Variants in HERC2 observed in about 807,000 individuals in gnomAD.
HERC2 encodes the protein HECT and RLD domain containing E3 ubiquitin protein ligase 2, also known as E3 ubiquitin-protein ligase HERC2.
Under a neutral mutation model 537.7 loss-of-function variants are expected in HERC2, and 102 were observed. That is an observed-to-expected ratio of 0.19 (90% confidence interval 0.16 to 0.22). The LOEUF is 0.22. Among genes scored for constraint, HERC2 ranks in the 10% least tolerant of loss-of-function variants. The pLI is 1.00. For missense variants in HERC2, 4,236 were observed against 6,198.2 expected (o/e 0.68, Z 10.63); for synonymous variants, 2,224 against 2,466.2 (o/e 0.90, Z 2.91).
chr15:28,270,437 G>C (rs1264595575), intron 10 of HERC2, among the ~76,000 whole-genome samples: 2 of 152,078 alleles, frequency 1.3e-5, no homozygotes, highest in African/African-American at 4.8e-5. Context: ...TGTGGATAAA[G>C]GGGAGCTCTC....
At chr15:28,151,990 T>C (rs1892504367) in intron 70 of HERC2, among the ~76,000 whole-genome samples, 1 of 152,218 alleles carries the variant, frequency 6.6e-6, no homozygotes, top group African/African-American at 2.4e-5. Flanking sequence ...TAGCCCCTCA[T>C]GGGCCAATAG....
Position 28,304,516 on chromosome 15 carries a change from C to T in HERC2, c.73-5000G>A, listed in dbSNP as rs1241578824. Among the ~76,000 whole-genome samples the T allele has an allele frequency of 2.6e-5, 4 of 151,922 alleles. No individual in the cohort carries two copies. In the South Asian group the frequency reaches 6.2e-4, roughly 24 times the overall value. On this transcript the variant is annotated intron_variant, in intron 2 of 92. Transcript: ENST00000261609. ...CCGAGTAGCTGGGACAACAGACACCCGCCACCACGCCTAGCTAATTTTTAT... is the reference window on the plus strand; with the variant it reads ...CCGAGTAGCTGGGACAACAGACACCTGCCACCACGCCTAGCTAATTTTTAT...
At chr15:28,210,830 T>C (rs1355337951) in intron 44 of HERC2, among the ~76,000 whole-genome samples, 172 bp downstream of exon 44, 1 of 152,162 alleles carries the variant, frequency 6.6e-6, no homozygotes, top group African/African-American at 2.4e-5. Flanking sequence ...TCTTGTCTTA[T>C]AAGATGACGA....
At chr15:28,117,534 A>G (rs1888410115) in intron 86 of HERC2, 1 of 523,964 alleles carries the variant, frequency 1.9e-6, no homozygotes, top group South Asian at 1.5e-5. Context: ...CCATCTTGCC[A>G]CGACCTCATG....
intron 35 of HERC2, among the ~76,000 whole-genome samples, chr15:28,224,398 T>A (rs1900884743): frequency 6.6e-6 from 1 of 152,150 alleles, no homozygotes; most frequent in Non-Finnish European, 1.5e-5. Context: ...GTTTTCGTAT[T>A]TTTTGTAGAG....
intron 2 of HERC2, among the ~76,000 whole-genome samples, chr15:28,316,647 A>C (rs1288999117): frequency 6.6e-6 from 1 of 152,178 alleles, no homozygotes; most frequent in Non-Finnish European, 1.5e-5. Context: ...AGTCCTAAAA[A>C]CGTCAATGAA....
chr15:28,207,221 T>C (rs1021430813), intron 44 of HERC2, among the ~76,000 whole-genome samples: 25 of 151,888 alleles, frequency 1.6e-4, no homozygotes, highest in Admixed American at 1.3e-4. Flanking sequence ...CTGCAACCTC[T>C]GCCTCCTGGC....
intron 57 of HERC2, among the ~76,000 whole-genome samples, chr15:28,179,496 T>C (rs1486888031): frequency 6.6e-6 from 1 of 152,248 alleles, no homozygotes; most frequent in Non-Finnish European, 1.5e-5. Context: ...CAAGCCTCTG[T>C]GCTGCCAGCT....
intron 85 of HERC2, among the ~76,000 whole-genome samples, chr15:28,121,769 G>A (rs2142088588): frequency 6.6e-6 from 1 of 152,368 alleles, no homozygotes; most frequent in South Asian, 2.1e-4. Context: ...CTCTGACTCA[G>A]GTCTTGAAGT....
chr15:28,223,669 AT>A lies in HERC2; in HGVS notation c.5465-1455del, dbSNP rs375901514. On this transcript the variant is annotated intron_variant, in intron 35 of 92. Transcript: ENST00000261609. ...GCAAGCAAAACTGGGGGAATTTTTCATTTTGCATAGCTTTATGTTTTCTGGC... is the reference window on the plus strand; with the variant it reads ...GCAAGCAAAACTGGGGGAATTTTTCATTTGCATAGCTTTATGTTTTCTGGC... 2.5e-3 allele frequency among the ~76,000 whole-genome samples: 377 copies of A among 152,302 alleles called. 1 individual carries two copies. The highest frequency in any genetic ancestry group is 8.9e-3 in the African/African-American group (372 of 41,566).
Position 28,218,499 on chromosome 15 carries a change from C to T in HERC2, c.6018G>A (p.Thr2006=), listed in dbSNP as rs756008854. 33 of 1,595,154 alleles carry T rather than the reference C, an allele frequency of 2.1e-5. No individual in the cohort carries two copies. Among genetic ancestry groups the T allele is most frequent in the Non-Finnish European group, 2.5e-5 (30 of 1,179,370 alleles). ...TCTCTCATTCCATACATGTCTTGTC[C>T]GTCGTTCCGCTTTCCACTAACATTC... ...LLRMLVESGT[T]DKTSSPNRLV... Residue 2006 remains threonine (T), a synonymous_variant, in exon 38 of 93, where the codon ACG becomes ACA. Coordinates refer to ENST00000261609, the MANE Select transcript of HERC2 (RefSeq NM_004667.6).
chr15:28,233,545 A>C lies in HERC2; in HGVS notation c.4368T>G (p.Ser1456=), dbSNP rs2140645711. The part of the protein sequence containing the change: ...KHEDLGHVAL[S]LVHAGALGIE... ...TACCAAGTGCACCTGCATGAACTAA[A>C]GATAATGCCACATGACCTGTAAAAA... is the stretch of plus-strand genomic sequence containing the variant. Residue 1456 remains serine (S), a synonymous_variant, in exon 29 of 93, where the codon TCT becomes TCG. Transcript: ENST00000261609. 1 of 1,612,862 alleles carries C rather than the reference A, an allele frequency of 6.2e-7. No homozygotes were observed. The highest frequency in any genetic ancestry group is 8.5e-7 in the Non-Finnish European group (1 of 1,178,856).
chr15:28,220,422 T>A, intron 37 of HERC2, 30 bp downstream of exon 37: 2 of 1,600,272 alleles, frequency 1.2e-6, no homozygotes, highest in Middle Eastern at 2.3e-4. Flanking sequence ...GTGGGCTGCC[T>A]TGGACTAAAC....
chr15:28,172,292 T>G (rs1286894446), intron 65 of HERC2, among the ~76,000 whole-genome samples: 2 of 152,148 alleles, frequency 1.3e-5, no homozygotes, highest in Non-Finnish European at 2.9e-5. Context: ...TTAAGTTATA[T>G]GGAAATGCAA....
Position 28,130,212 on chromosome 15 carries a change from G to A in HERC2, c.12753C>T (p.Val4251=). 6.2e-7 allele frequency: 1 copy of A among 1,614,178 alleles called. No homozygotes were observed. The highest frequency in any genetic ancestry group is 1.1e-5 in the South Asian group (1 of 91,076). The change falls in exon 83 of 93, where the codon GTC becomes GTT. Residue 4251 remains valine, a synonymous_variant. Transcript: ENST00000261609. ...RQVQGLQGKK[V]IAIATGSLHC... ...GCAGGGAGCCAGTGGCGATGGCGAT[G>A]ACTTTCTTCCCCTGCAACCCTTGGA...
At position 28,182,496 on chromosome 15, in the gene HERC2, C is replaced by G. The variant is rs185388345; in HGVS notation, c.8842G>C (p.Ala2948Pro). ...GNSGSLIRKK[A>P]AGLESAATIR... is the part of the protein sequence containing the mutation. ...GTAGCTGCTGATTCCAGCCCAGCAG[C>G]CTTCTTTCTAATGAGGCTAACCAAA... Residue 2948 changes from alanine (A) to proline (P), a missense_variant, in exon 57 of 93, where the codon GCT becomes CCT. Physicochemically the swap from Ala to Pro is conservative, Grantham distance 27 (BLOSUM62 -1). This residue lies in a region of HERC2 where 606 missense variants were observed against 884.5 expected (regional missense o/e 0.69). Coordinates refer to ENST00000261609, the MANE Select transcript of HERC2 (RefSeq NM_004667.6). 5.6e-6 allele frequency: 9 copies of G among 1,612,734 alleles called. No homozygotes were observed. Among genetic ancestry groups the G allele is most frequent in the South Asian group, 1.1e-5 (1 of 91,008 alleles).
chr15:28,268,384 C>A lies in HERC2; in HGVS notation c.1598+81G>T. On this transcript the variant is annotated intron_variant, in intron 12 of 92. Transcript: ENST00000261609. This position sits in a 1 kb window ranked among gnomAD's most constrained non-coding sequence, Gnocchi z 4.7. ...TCAGGGCAATTGGAAAACACCTGGA[C>A]ACACTTCTGCGCTCCATCCTGTTTA... 1 of 1,357,000 alleles carries A rather than the reference C, an allele frequency of 7.4e-7. No individual in the cohort carries two copies. Among genetic ancestry groups the A allele is most frequent in the East Asian group, 2.3e-5 (1 of 43,148 alleles). The allele number at this position is 1,357,000 out of a possible 1,614,324, so 84.1% of individuals were successfully genotyped here. A position where few individuals can be genotyped will look rare whatever the true frequency, so the allele number is the denominator to read the frequency against.
rs1440123885 is a variant in HERC2 at position 28,263,032 on chromosome 15, T to C, written c.2008A>G (p.Ile670Val). ...ACTTGGCCATCTTTCGTCAAAGCAA[T>C]GGAAAACTGACTTCCACAGCGGACT... ...VKVRCGSQFS[I>V]ALTKDGQVYS... Residue 670 changes from isoleucine to valine, a missense_variant, in exon 15 of 93, where the codon ATT becomes GTT. By Grantham distance (29) the Ile-to-Val change is conservative. This residue lies in a region of HERC2 where 754 missense variants were observed against 1,085.0 expected (regional missense o/e 0.69). Transcript: ENST00000261609. The C allele has an allele frequency of 3.7e-6, 6 of 1,614,204 alleles. No individual in the cohort carries two copies. The East Asian group carries it at 8.9e-5, about 24-fold the overall frequency.
At chr15:28,285,140 A>G (rs2076123415) in intron 4 of HERC2, among the ~76,000 whole-genome samples, 1 of 152,172 alleles carries the variant, frequency 6.6e-6, no homozygotes, top group African/African-American at 2.4e-5. Flanking sequence ...TGATAAAATT[A>G]GAAGACAGAA....
Sources: allele counts gnomAD v4.1 joint callset (sites outside exome capture counted in the v4.1 genomes callset), GRCh38; gene constraint gnomAD v4.1.1; regional missense constraint gnomAD v4.1.1; non-coding constraint Gnocchi (gnomAD v3.1); transcripts MANE v1.5; gene names NCBI Gene and HGNC (gene_info 2026-07-23, HGNC 2026-07-21).